Variants in NEBL observed in about 807,000 individuals in gnomAD.
NEBL encodes nebulette.
A neutral mutation model predicts 140.2 loss-of-function variants in NEBL; 122 were observed. The ratio of observed to expected loss-of-function variants is 0.87; its 90% confidence interval spans 0.75 to 1.01. The LOEUF (loss-of-function observed/expected upper bound fraction) is 1.01. Among genes scored for constraint, NEBL ranks in the 50% least tolerant of loss-of-function variants. NEBL has a pLI of 0.00. For missense variants in NEBL, 1,365 were observed against 1,231.3 expected, an observed-to-expected ratio of 1.11 and a Z score of -1.62; for synonymous variants, 436 against 398.9, an observed-to-expected ratio of 1.09 and a Z score of -1.11.
At chr10:21,141,494 T>C (rs1212590593) in intron 2 of NEBL, among the ~76,000 whole-genome samples, 1 of 152,236 alleles carries the variant, frequency 6.6e-6, no homozygotes, top group Non-Finnish European at 1.5e-5. Context: ...TTCATGATAT[T>C]CTTGCAACTT....
chr10:21,072,953 T>C (rs1342581792), intron 2 of NEBL, among the ~76,000 whole-genome samples: 1 of 152,078 alleles, frequency 6.6e-6, no homozygotes, highest in East Asian at 1.9e-4. Context: ...ATCATGCCAC[T>C]GTACAACAGC....
At chr10:20,896,812 A>G (rs1474061605) in intron 2 of NEBL, 146 bp downstream of exon 2, 1 of 794,474 alleles carries the variant, frequency 1.3e-6, no homozygotes, top group East Asian at 2.5e-5. Context: ...AATCACTGAA[A>G]ATTTCAGGAC....
chr10:20,859,073 C>T (rs1439524944), intron 8 of NEBL, among the ~76,000 whole-genome samples: 1 of 152,082 alleles, frequency 6.6e-6, no homozygotes, highest in Non-Finnish European at 1.5e-5. Flanking sequence ...ATCAATAATA[C>T]ATAATTTTTA....
At chr10:20,933,626 TG>T (rs753645298) in intron 4 of NEBL, among the ~76,000 whole-genome samples, 1 of 152,080 alleles carries the variant, frequency 6.6e-6, no homozygotes, top group Non-Finnish European at 1.5e-5. Flanking sequence ...CCCAGCTACC[TG>T]GGAGGCTGAG....
chr10:20,841,763 T>C (rs1314443152), intron 12 of NEBL, among the ~76,000 whole-genome samples: 1 of 152,140 alleles, frequency 6.6e-6, no homozygotes, highest in African/African-American at 2.4e-5. Flanking sequence ...CCAGTTGGAA[T>C]TCACATGATG....
chr10:21,086,450 T>C (rs986651724), intron 2 of NEBL, among the ~76,000 whole-genome samples: 2 of 152,122 alleles, frequency 1.3e-5, no homozygotes, highest in African/African-American at 4.8e-5. Flanking sequence ...CAATGAATGA[T>C]ATAGAGAATT....
chr10:20,797,596 T>C (rs1282809912), intron 26 of NEBL, among the ~76,000 whole-genome samples: 6 of 152,148 alleles, frequency 3.9e-5, no homozygotes, highest in Admixed American at 1.3e-4. Context: ...ATGTGAATGA[T>C]TGTCTGCGTC....
At chr10:21,102,905 G>A (rs1176564748) in intron 2 of NEBL, among the ~76,000 whole-genome samples, 7 of 152,020 alleles carry the variant, frequency 4.6e-5, no homozygotes, top group African/African-American at 1.2e-4. Context: ...GTGCCATAGC[G>A]GTTTGCTGTA....
intron 3 of NEBL, among the ~76,000 whole-genome samples, chr10:21,189,180 T>C (rs57178683): frequency 0.15 from 23,373 of 152,040 alleles, 1,923 homozygotes; most frequent in African/African-American, 0.2. Flanking sequence ...CACCCTGTAT[T>C]ATCTGGGTGG....
rs112545336 is a variant in NEBL at position 20,828,542 on chromosome 10, T to A, written c.1764A>T (p.Gln588His). 1 of 1,580,912 alleles carries A rather than the reference T, an allele frequency of 6.3e-7. No individual in the cohort carries two copies. The highest frequency in any genetic ancestry group is 1.1e-5 in the South Asian group (1 of 90,398). The change falls in exon 17 of 28, where the codon CAA (glutamine) becomes CAT (histidine). Residue 588 changes from glutamine to histidine, a missense_variant. By Grantham distance (24) the Gln-to-His change is conservative. Transcript: ENST00000377122. ...AATGGCTACTCACCGCACTAATGTT[T>A]TGTTGAGTTGTCTTAATTCTCTGAA... ...PEIQRIKTTQ[Q>H]NISAVFYKKE...
intron 3 of NEBL, among the ~76,000 whole-genome samples, chr10:21,200,305 G>T (rs1400373140): frequency 7.8e-6 from 1 of 128,638 alleles, no homozygotes; most frequent in Admixed American, 9.5e-5. Flanking sequence ...ATATTCCAAG[G>T]GACTTTTTTT....
rs1367995047 is a variant in NEBL, at chr10:20,780,563, T to C, written c.*5184A>G. 1 of 152,184 alleles carries C rather than the reference T, an allele frequency of 6.6e-6. No individual in the cohort carries two copies. Among genetic ancestry groups the C allele is most frequent in the African/African-American group, 2.4e-5 (1 of 41,456 alleles). 9.4% of individuals were successfully genotyped at this position (152,184 alleles called of 1,614,324 possible). On this transcript the variant is annotated 3_prime_UTR_variant, in exon 28 of 28. Transcript: ENST00000377122. ...CATGTTAAATCTCAGACCCGGGGTA[T>C]TATTAGGGTGCATTGCTTGCATCTA... is the stretch of plus-strand genomic sequence containing the variant.
chr10:20,915,541 T>C (rs1050038171), intron 4 of NEBL, among the ~76,000 whole-genome samples: 2 of 151,776 alleles, frequency 1.3e-5, no homozygotes, highest in Non-Finnish European at 2.9e-5. Context: ...TTACTGAGAA[T>C]GATGATTTCC....
intron 3 of NEBL, among the ~76,000 whole-genome samples, chr10:20,983,616 G>T (rs937833359): frequency 6.6e-6 from 1 of 152,200 alleles, no homozygotes; most frequent in Non-Finnish European, 1.5e-5. Context: ...GATAACTAGC[G>T]CAGTCTAATT....
At chr10:21,245,999 A>T (rs1474208763) in intron 3 of NEBL, among the ~76,000 whole-genome samples, 1 of 152,130 alleles carries the variant, frequency 6.6e-6, no homozygotes, top group Non-Finnish European at 1.5e-5. Flanking sequence ...CCAGCCATAT[A>T]TTACTTTTTT....
In NEBL at chr10:20,889,941, A is replaced by T; in HGVS notation, c.162T>A (p.Tyr54Ter). The change falls in exon 3 of 28, where the codon TAT becomes TAA. Residue 54 changes from tyrosine (Y) to a stop codon, truncating the protein, a stop_gained. Coordinates refer to ENST00000377122, the MANE Select transcript of NEBL (RefSeq NM_006393.3). LOFTEE classifies it high-confidence loss of function. ...KCTELISDIR[Y>*]KEEFKKSKDK... is the part of the protein sequence containing the mutation. ...CCTTGGACTTTTTAAACTCTTCTTT[A>T]TAACGGATCTAAAAAAGAGAATGAT... 6.3e-7 allele frequency: 1 copy of T among 1,588,946 alleles called. No individual in the cohort carries two copies. Among genetic ancestry groups the T allele is most frequent in the African/African-American group, 1.3e-5 (1 of 74,382 alleles).
At chr10:20,844,630 T>G (rs1841733704) in intron 12 of NEBL, among the ~76,000 whole-genome samples, 2 of 151,800 alleles carry the variant, frequency 1.3e-5, no homozygotes, top group African/African-American at 4.8e-5. Context: ...ATTATGTTTT[T>G]GGGGAAATTT....
intron 3 of NEBL, among the ~76,000 whole-genome samples, chr10:21,223,573 G>A (rs113012117): frequency 0.032 from 4,815 of 152,276 alleles, 137 homozygotes; most frequent in Admixed American, 0.079. Context: ...CTAGCAGTGC[G>A]ATTGCTGGAT....
At chr10:20,795,785 T>C (rs1836449172) in intron 26 of NEBL, among the ~76,000 whole-genome samples, 1 of 152,206 alleles carries the variant, frequency 6.6e-6, no homozygotes. Context: ...TGTACAACGC[T>C]GCCTGAAAAA....
Sources: gnomAD v4.1 joint callset for allele counts (sites outside exome capture counted in the v4.1 genomes callset) on GRCh38, gnomAD v4.1.1 for gene constraint, MANE v1.5 for transcripts, NCBI Gene and HGNC (gene_info 2026-07-23, HGNC 2026-07-21) for gene names.